Variants in EDIL3 observed in about 807,000 individuals in gnomAD.
EDIL3 encodes the protein EGF-like repeat and discoidin I-like domain-containing protein 3.
In EDIL3, 37 loss-of-function variants were observed where a neutral mutation model predicts 67.4. That is an observed-to-expected ratio of 0.55 (90% CI 0.42 to 0.72). The LOEUF is 0.72. Among genes scored for constraint, EDIL3 ranks in the 30% least tolerant of loss-of-function variants. The probability of loss-of-function intolerance (pLI) is 0.00; values close to 1 mark genes in which losing one functional copy is unlikely to be tolerated. For missense variants in EDIL3, 527 were observed against 586.3 expected (o/e 0.90, Z 1.04); for synonymous variants, 195 against 196.3 (o/e 0.99, Z 0.05).
intron 1 of EDIL3, among the ~76,000 whole-genome samples, chr5:84,312,647 C>T (rs1185560307): frequency 3.3e-5 from 5 of 151,314 alleles, no homozygotes; most frequent in Non-Finnish European, 5.9e-5. Context: ...GGCGGCTGGC[C>T]GGGCAGAGGG....
rs373134875 is a variant in EDIL3, at chr5:84,232,067, T to C, written c.197-2183A>G. ...GCTCATGTCAGTGTGACTTTAAAAC[T>C]GAACTTCTTCTGCTGTGCCTTATTG... On this transcript the variant is annotated intron_variant, in intron 2 of 10. Coordinates refer to ENST00000296591, the MANE Select transcript of EDIL3 (RefSeq NM_005711.5). Among the ~76,000 whole-genome samples the C allele has an allele frequency of 2.6e-5, 4 of 152,178 alleles. No homozygotes were observed. In the East Asian group the frequency reaches 5.8e-4, roughly 22 times the overall value.
chr5:84,305,530 T>A (rs979226576), intron 1 of EDIL3, among the ~76,000 whole-genome samples: 27 of 152,240 alleles, frequency 1.8e-4, no homozygotes, highest in African/African-American at 6.5e-4. Context: ...TTTGATTTGG[T>A]GCTATGTTGC....
At chr5:84,336,250 G>A (rs1032011484) in intron 1 of EDIL3, among the ~76,000 whole-genome samples, 3 of 152,192 alleles carry the variant, frequency 2.0e-5, no homozygotes, top group African/African-American at 7.2e-5. Context: ...AGACCTGCGT[G>A]TATTCAAGTC....
chr5:83,982,253 T>A (rs561050082), intron 9 of EDIL3, among the ~76,000 whole-genome samples: 1 of 152,248 alleles, frequency 6.6e-6, no homozygotes, highest in South Asian at 2.1e-4. Context: ...CAGAGCTAGA[T>A]CTTCAACAAA....
intron 2 of EDIL3, among the ~76,000 whole-genome samples, chr5:84,252,998 TA>T (rs938263867): frequency 2.0e-5 from 3 of 152,122 alleles, no homozygotes; most frequent in African/African-American, 2.4e-5. Context: ...GAAAATTCAT[TA>T]AAAAAATAAA....
chr5:84,292,211 G>T (rs1745937578), intron 1 of EDIL3, among the ~76,000 whole-genome samples: 1 of 151,984 alleles, frequency 6.6e-6, no homozygotes. Context: ...AACACATCAG[G>T]TTTGATATAT....
chr5:84,207,289 A>G (rs1744002739), intron 3 of EDIL3, among the ~76,000 whole-genome samples: 1 of 152,202 alleles, frequency 6.6e-6, no homozygotes, highest in Non-Finnish European at 1.5e-5. Flanking sequence ...GTGAACTCCC[A>G]TTCACAATTA....
chr5:84,074,917 CTA>C (rs1426511859), intron 6 of EDIL3, among the ~76,000 whole-genome samples: 3 of 152,108 alleles, frequency 2.0e-5, no homozygotes, highest in African/African-American at 7.2e-5. Context: ...TATTGCGGCA[CTA>C]TTCACAATAG....
At chr5:84,107,969 ATAC>A (rs1404436301) in intron 5 of EDIL3, among the ~76,000 whole-genome samples, 3 of 151,092 alleles carry the variant, frequency 2.0e-5, no homozygotes, top group Non-Finnish European at 3.0e-5. Flanking sequence ...TTATAAAAAT[ATAC>A]TACAATAATT....
chr5:84,294,955 A>G (rs1746013506), intron 1 of EDIL3, among the ~76,000 whole-genome samples: 1 of 152,192 alleles, frequency 6.6e-6, no homozygotes, highest in South Asian at 2.1e-4. Flanking sequence ...AGTAAACTGA[A>G]TGCAATATAC....
intron 3 of EDIL3, 126 bp downstream of exon 3, chr5:84,229,725 GTAAA>G (rs964849780): frequency 5.5e-6 from 5 of 916,696 alleles, no homozygotes; most frequent in African/African-American, 5.0e-5. Context: ...AAATATAAAA[GTAAA>G]TAAATAAACA....
intron 9 of EDIL3, among the ~76,000 whole-genome samples, chr5:83,996,542 T>C (rs1745241675): frequency 6.6e-6 from 1 of 152,196 alleles, no homozygotes; most frequent in African/African-American, 2.4e-5. Context: ...GGAATGTTGG[T>C]ATAGCACATA....
chr5:83,975,498 G>A (rs980070742), intron 9 of EDIL3, among the ~76,000 whole-genome samples: 1 of 151,722 alleles, frequency 6.6e-6, no homozygotes, highest in Non-Finnish European at 1.5e-5. Flanking sequence ...CTTAACTGAG[G>A]ACTCATTTGT....
chr5:84,011,252 T>A (rs781669798), intron 9 of EDIL3, among the ~76,000 whole-genome samples: 1 of 152,180 alleles, frequency 6.6e-6, no homozygotes, highest in South Asian at 2.1e-4. Flanking sequence ...TCTAATCTTC[T>A]GTATCTTAGC....
intron 3 of EDIL3, among the ~76,000 whole-genome samples, chr5:84,208,685 C>CAAAAAA (rs70975546): frequency 1.3e-4 from 8 of 59,410 alleles, no homozygotes; most frequent in African/African-American, 4.3e-4. Flanking sequence ...GACTCCGTCT[C>CAAAAAA]AAAAAAAAAA....
intron 5 of EDIL3, among the ~76,000 whole-genome samples, 183 bp from the exon 6 acceptor site, chr5:84,107,013 ATGACCCTCTC>A (rs1218847684): frequency 6.6e-6 from 1 of 152,052 alleles, no homozygotes; most frequent in African/African-American, 2.4e-5. Flanking sequence ...CTTGCTTCTC[ATGACCCTCTC>A]TTCCTTCTTT....
intron 5 of EDIL3, among the ~76,000 whole-genome samples, chr5:84,107,813 T>G (rs1747490412): frequency 6.6e-6 from 1 of 150,488 alleles, no homozygotes; most frequent in South Asian, 2.1e-4. Flanking sequence ...CAGCAGAAGG[T>G]ACATTTCTTT....
chr5:83,976,371 T>C (rs941724972), intron 9 of EDIL3, among the ~76,000 whole-genome samples: 60 of 152,008 alleles, frequency 3.9e-4, no homozygotes, highest in African/African-American at 1.2e-3. Context: ...AAACAACTAA[T>C]GTGCTGTATT....
At chr5:84,159,315 C>T (rs779661714) in intron 4 of EDIL3, among the ~76,000 whole-genome samples, 10 of 152,026 alleles carry the variant, frequency 6.6e-5, no homozygotes, top group Admixed American at 3.3e-4. Context: ...GCATAAAATT[C>T]TGATTGAAAT....
Sources: allele counts gnomAD v4.1 joint callset (sites outside exome capture counted in the v4.1 genomes callset), GRCh38; gene constraint gnomAD v4.1.1; transcripts MANE v1.5; gene names NCBI Gene and HGNC (gene_info 2026-07-23, HGNC 2026-07-21).